ARHGAP23: variants seen among roughly 807,000 people sequenced by gnomAD.
ARHGAP23 encodes the protein rho GTPase-activating protein 23.
ARHGAP23 carries 34 observed loss-of-function variants against 136.3 expected under a neutral mutation model. The observed-to-expected ratio is 0.25, with a 90% CI of 0.19 to 0.33. The LOEUF (loss-of-function observed/expected upper bound fraction) is 0.33, where lower values mean the gene tolerates loss of function less well. Among genes scored for constraint, ARHGAP23 ranks in the 10% least tolerant of loss-of-function variants. The pLI, the probability that ARHGAP23 is intolerant of heterozygous loss-of-function variation, is 1.00. For missense variants in ARHGAP23, 1,808 were observed against 2,139.0 expected, an observed-to-expected ratio of 0.85 and a Z score of 3.05; for synonymous variants, 832 against 920.5, an observed-to-expected ratio of 0.90 and a Z score of 1.74.
At chr17:38,485,268 G>C (rs1050195417) in intron 16 of ARHGAP23, among the ~76,000 whole-genome samples, 3 of 152,130 alleles carry the variant, frequency 2.0e-5, no homozygotes, top group Non-Finnish European at 4.4e-5. Flanking sequence ...AATCAAAATG[G>C]CTCCAGACAT....
chr17:38,455,505 C>G (rs776622550), intron 1 of ARHGAP23, among the ~76,000 whole-genome samples: 12 of 152,196 alleles, frequency 7.9e-5, no homozygotes, highest in Non-Finnish European at 1.5e-4. Context: ...AGGGAGCAGC[C>G]CCCCCAGGCA....
rs73982815 is a variant in ARHGAP23, at chr17:38,509,810, G to C, written c.3448-134G>C. Reference sequence around the variant, plus strand: ...GGCTGGAGGAGGAGCGTTTTATGATGCGGCCGTGGGTGCTGGCCTTGGCTG... The same window carrying C: ...GGCTGGAGGAGGAGCGTTTTATGATCCGGCCGTGGGTGCTGGCCTTGGCTG... On this transcript the variant is annotated intron_variant, in intron 23 of 23. Transcript: ENST00000622683. 6.8e-3 allele frequency: 4,422 copies of C among 646,348 alleles called. 188 individuals are homozygous for C. The African/African-American group carries it at 0.077, about 11-fold the overall frequency. The allele number at this position is 646,348 out of a possible 1,614,324, so 40.0% of individuals were successfully genotyped here.
intron 2 of ARHGAP23, among the ~76,000 whole-genome samples, chr17:38,459,811 C>T (rs1312044233): frequency 6.6e-6 from 1 of 152,200 alleles, no homozygotes; most frequent in African/African-American, 2.4e-5. Flanking sequence ...TCTGCCTCTG[C>T]CACTCTCTCG....
At chr17:38,463,077 T>G in intron 4 of ARHGAP23, 41 bp from the exon 5 acceptor site, 2 of 1,547,836 alleles carry the variant, frequency 1.3e-6, no homozygotes, top group Non-Finnish European at 1.7e-6. Flanking sequence ...ATGGGGCCTT[T>G]GATGCCCTTT....
At chr17:38,495,024 G>A (rs2040360610) in intron 20 of ARHGAP23, among the ~76,000 whole-genome samples, 1 of 152,154 alleles carries the variant, frequency 6.6e-6, no homozygotes, top group African/African-American at 2.4e-5. Context: ...AATAGCAGTA[G>A]CTGACATCTA....
At position 38,479,514 on chromosome 17, in the gene ARHGAP23, G is replaced by A. The variant is rs538796542; in HGVS notation, c.2498+17G>A. 12 of 1,546,936 alleles carry A rather than the reference G, an allele frequency of 7.8e-6. No homozygotes were observed. The highest frequency in any genetic ancestry group is 2.3e-4 in the Middle Eastern group (1 of 4,356). ...CAAAGTGAGGTGAGGCCCAGCCCTCGTGGAGCAGTCTCCTCTGTGGGGGTG... is the reference window on the plus strand; with the variant it reads ...CAAAGTGAGGTGAGGCCCAGCCCTCATGGAGCAGTCTCCTCTGTGGGGGTG... On this transcript the variant is annotated intron_variant, in intron 13 of 23. Transcript: ENST00000622683.
At chr17:38,441,262 C>G (rs572545558) in intron 1 of ARHGAP23, among the ~76,000 whole-genome samples, 1 of 152,248 alleles carries the variant, frequency 6.6e-6, no homozygotes, top group Admixed American at 6.5e-5. Flanking sequence ...GCAGAGCTCC[C>G]GTGGGAGGGG....
chr17:38,436,328 C>T (rs1354827190), intron 1 of ARHGAP23, among the ~76,000 whole-genome samples: 1 of 152,130 alleles, frequency 6.6e-6, no homozygotes, highest in Non-Finnish European at 1.5e-5. Context: ...CTAGGGAAAG[C>T]CTTATCTGAG....
chr17:38,434,347 G>A (rs2038747310), intron 1 of ARHGAP23, among the ~76,000 whole-genome samples: 1 of 152,218 alleles, frequency 6.6e-6, no homozygotes, highest in South Asian at 2.1e-4. Flanking sequence ...GGGGAACAGT[G>A]GGGCCTTTGT....
At chr17:38,469,764 G>T in intron 9 of ARHGAP23, 83 bp from the exon 10 acceptor site, 1 of 1,521,886 alleles carries the variant, frequency 6.6e-7, no homozygotes, top group South Asian at 1.2e-5. Context: ...GAAGGCTTCT[G>T]GGCTTGGGGT....
Position 38,479,515 on chromosome 17 carries a change from T to C in ARHGAP23, c.2498+18T>C. On this transcript the variant is annotated intron_variant, in intron 13 of 23. Coordinates refer to ENST00000622683, the MANE Select transcript of ARHGAP23 (RefSeq NM_001199417.2). ...AAAGTGAGGTGAGGCCCAGCCCTCGTGGAGCAGTCTCCTCTGTGGGGGTGG... is the reference window on the plus strand; with the variant it reads ...AAAGTGAGGTGAGGCCCAGCCCTCGCGGAGCAGTCTCCTCTGTGGGGGTGG... 1.9e-6 allele frequency: 3 copies of C among 1,546,264 alleles called. No homozygotes were observed. The highest frequency in any genetic ancestry group is 2.6e-6 in the Non-Finnish European group (3 of 1,143,884).
intron 23 of ARHGAP23, among the ~76,000 whole-genome samples, chr17:38,501,315 T>A (rs962424104): frequency 3.3e-5 from 5 of 152,066 alleles, no homozygotes; most frequent in Non-Finnish European, 5.9e-5. Flanking sequence ...TTATTTATTT[T>A]TTTTGAGACG....
At chr17:38,507,590 A>G (rs1193762369) in intron 23 of ARHGAP23, among the ~76,000 whole-genome samples, 1 of 152,186 alleles carries the variant, frequency 6.6e-6, no homozygotes, top group African/African-American at 2.4e-5. Context: ...TTCTGGAACC[A>G]GCTGGGATGA....
chr17:38,446,725 C>A, intron 1 of ARHGAP23, among the ~76,000 whole-genome samples: 1 of 151,792 alleles, frequency 6.6e-6, no homozygotes, highest in South Asian at 2.1e-4. Context: ...GATTCTCCTG[C>A]CTTAGCCTCC....
At chr17:38,493,275 C>T (rs983022116) in intron 20 of ARHGAP23, among the ~76,000 whole-genome samples, 1 of 151,412 alleles carries the variant, frequency 6.6e-6, no homozygotes, top group African/African-American at 2.4e-5. Flanking sequence ...AGATACGGCC[C>T]ACTTCCAGGC....
intron 1 of ARHGAP23, among the ~76,000 whole-genome samples, chr17:38,429,653 G>A (rs911587591): frequency 6.6e-6 from 1 of 151,982 alleles, no homozygotes; most frequent in Non-Finnish European, 1.5e-5. Flanking sequence ...ATCTCTCCCC[G>A]ACTCCCTTCA....
intron 20 of ARHGAP23, among the ~76,000 whole-genome samples, chr17:38,495,228 C>CTTTTTTTT (rs11295890): frequency 7.4e-6 from 1 of 135,486 alleles, no homozygotes; most frequent in Non-Finnish European, 1.6e-5. Context: ...TTTTCTTTTT[C>CTTTTTTTT]TTTTTTTTTT....
upstream of ARHGAP23, among the ~76,000 whole-genome samples, chr17:38,428,251 A>G (rs1386948281): frequency 6.6e-6 from 1 of 151,522 alleles, no homozygotes; most frequent in African/African-American, 2.4e-5. Flanking sequence ...TCCAGCTCTC[A>G]GGCAGCGCTC....
At chr17:38,496,519 A>G (rs935215627) in intron 20 of ARHGAP23, among the ~76,000 whole-genome samples, 1 of 152,148 alleles carries the variant, frequency 6.6e-6, no homozygotes, top group African/African-American at 2.4e-5. Flanking sequence ...TGCCTTAGTT[A>G]TTTCTTGGAG....
Sources: allele counts gnomAD v4.1 joint callset (sites outside exome capture counted in the v4.1 genomes callset), GRCh38; gene constraint gnomAD v4.1.1; transcripts MANE v1.5; gene names NCBI Gene and HGNC (gene_info 2026-07-23, HGNC 2026-07-21).